Variants in ARB2A observed in about 807,000 individuals in gnomAD.
ARB2A encodes the protein cotranscriptional regulator ARB2A.
chr5:93,837,388 A>C, the ARB2A span, among the ~76,000 whole-genome samples: 2 of 152,168 alleles, frequency 1.3e-5, no homozygotes, highest in African/African-American at 4.8e-5. Flanking sequence ...GATTGATTCC[A>C]CGTCTTTGCT....
chr5:93,731,605 T>C, the ARB2A span, among the ~76,000 whole-genome samples: 1 of 152,228 alleles, frequency 6.6e-6, no homozygotes, highest in Non-Finnish European at 1.5e-5. Context: ...GATTTTCCAC[T>C]ACTCAATCAA....
chr5:93,973,158 C>T, the ARB2A span, among the ~76,000 whole-genome samples: 10 of 101,796 alleles, frequency 9.8e-5, no homozygotes, highest in African/African-American at 3.9e-4. Context: ...ACTATGTTGG[C>T]CAGGCTGGTC....
chr5:93,741,207 G>C, the ARB2A span: 1 of 1,613,866 alleles, frequency 6.2e-7, no homozygotes, highest in Non-Finnish European at 8.5e-7. Flanking sequence ...GTATGCCCGA[G>C]ATGTCCTCTG....
chr5:94,053,194 A>G, the ARB2A span: 1 of 1,596,158 alleles, frequency 6.3e-7, no homozygotes, highest in Non-Finnish European at 8.6e-7. Context: ...ATCTTTTTTC[A>G]TTAGTTCATC....
chr5:93,950,800 C>T, the ARB2A span, among the ~76,000 whole-genome samples: 20 of 151,480 alleles, frequency 1.3e-4, no homozygotes, highest in Admixed American at 1.1e-3. Flanking sequence ...AAAAATTAGC[C>T]CAGCATGGTG....
At chr5:93,702,602 A>C in the ARB2A span, among the ~76,000 whole-genome samples, 2 of 152,150 alleles carry the variant, frequency 1.3e-5, no homozygotes, top group African/African-American at 4.8e-5. Context: ...AGGGGGCTCA[A>C]TAAGCATTTC....
the ARB2A span, among the ~76,000 whole-genome samples, chr5:93,731,020 C>A: frequency 6.6e-6 from 1 of 152,152 alleles, no homozygotes; most frequent in Non-Finnish European, 1.5e-5. Context: ...GTGGCTAATA[C>A]TCTTTCCTTT....
the ARB2A span, among the ~76,000 whole-genome samples, chr5:93,771,283 AC>A: frequency 1.3e-5 from 2 of 151,882 alleles, no homozygotes; most frequent in Non-Finnish European, 2.9e-5. Context: ...TCCCTTCCTT[AC>A]ACCTTATACA....
the ARB2A span, among the ~76,000 whole-genome samples, chr5:93,798,461 A>G: frequency 6.6e-6 from 1 of 152,116 alleles, no homozygotes; most frequent in Admixed American, 6.6e-5. Context: ...TAAGATTTAC[A>G]TTCTAATAGT....
At chr5:94,102,101 TAAAA>T in the ARB2A span, among the ~76,000 whole-genome samples, 2 of 114,320 alleles carry the variant, frequency 1.7e-5, no homozygotes, top group African/African-American at 6.4e-5. Context: ...AATTCCAAAG[TAAAA>T]AAAAAAAAAA....
At chr5:93,641,671 C>T in the ARB2A span, among the ~76,000 whole-genome samples, 1 of 152,158 alleles carries the variant, frequency 6.6e-6, no homozygotes, top group East Asian at 1.9e-4. Context: ...TGCTATGACT[C>T]ATTTACTAGA....
At chr5:94,090,779 T>C in the ARB2A span, among the ~76,000 whole-genome samples, 6 of 152,346 alleles carry the variant, frequency 3.9e-5, no homozygotes, top group South Asian at 2.1e-4. Flanking sequence ...TCTATTGAGA[T>C]AACATGTGGT....
chr5:93,767,488 T>C, the ARB2A span, among the ~76,000 whole-genome samples: 3 of 151,932 alleles, frequency 2.0e-5, no homozygotes, highest in African/African-American at 4.8e-5. Context: ...GAACTAAAAG[T>C]AGAACTACCA....
the ARB2A span, among the ~76,000 whole-genome samples, chr5:94,061,152 G>A: frequency 6.6e-6 from 1 of 151,966 alleles, no homozygotes; most frequent in Admixed American, 6.6e-5. Flanking sequence ...GCAGGAGAAC[G>A]GTGTGAACCC....
chr5:93,960,095 C>CCA, the ARB2A span, among the ~76,000 whole-genome samples: 24 of 139,266 alleles, frequency 1.7e-4, no homozygotes, highest in Non-Finnish European at 2.8e-4. Context: ...CCCCCCCCCC[C>CCA]AAAAAAAGCC....
chr5:93,992,572 A>G, the ARB2A span, among the ~76,000 whole-genome samples: 2 of 152,152 alleles, frequency 1.3e-5, no homozygotes, highest in African/African-American at 2.4e-5. Context: ...ATGAACTTCT[A>G]CAGAAGGATG....
At chr5:93,766,258 A>T in the ARB2A span, among the ~76,000 whole-genome samples, 1 of 152,184 alleles carries the variant, frequency 6.6e-6, no homozygotes, top group Non-Finnish European at 1.5e-5. Context: ...GGCAACCTAC[A>T]AAATGGAAGA....
the ARB2A span, among the ~76,000 whole-genome samples, chr5:94,018,407 T>C: frequency 6.6e-6 from 1 of 152,226 alleles, no homozygotes; most frequent in Non-Finnish European, 1.5e-5. Context: ...CTGAATTCAC[T>C]AGCTTACTAT....
At chr5:93,814,031 A>G in the ARB2A span, among the ~76,000 whole-genome samples, 1 of 152,272 alleles carries the variant, frequency 6.6e-6, no homozygotes, top group African/African-American at 2.4e-5. Context: ...TTTCAGGGCC[A>G]CAGACTGTAC....
Sources: gnomAD v4.1 joint callset for allele counts (sites outside exome capture counted in the v4.1 genomes callset) on GRCh38, gnomAD v4.1.1 for gene constraint, MANE v1.5 for transcripts, NCBI Gene and HGNC (gene_info 2026-07-23, HGNC 2026-07-21) for gene names.